FBXO22: variants seen among roughly 807,000 people sequenced by gnomAD.
The protein encoded by FBXO22 is F-box protein 22, also known as F-box only protein 22.
In FBXO22, 13 loss-of-function variants were observed where a neutral mutation model predicts 37.2. That is an observed-to-expected ratio of 0.35 (90% confidence interval 0.23 to 0.56). The LOEUF is 0.56. FBXO22 is among the 20% of genes least tolerant of loss of function. The pLI, the probability that FBXO22 is intolerant of heterozygous loss-of-function variation, is 0.87. For missense variants in FBXO22, 446 were observed against 509.9 expected (o/e 0.87, Z 1.21); for synonymous variants, 189 against 189.1 (o/e 1.00, Z 0.00).
At chr15:75,922,208 C>T (rs751894349) in intron 5 of FBXO22, among the ~76,000 whole-genome samples, 10 of 152,218 alleles carry the variant, frequency 6.6e-5, no homozygotes, top group African/African-American at 9.6e-5. Context: ...TTGTGCTACA[C>T]ATTAGGCAGT....
intron 6 of FBXO22, chr15:75,930,403 T>C (rs1412276415): frequency 1.8e-6 from 2 of 1,100,036 alleles, no homozygotes; most frequent in Non-Finnish European, 2.2e-6. Flanking sequence ...TTAGAGTGTA[T>C]CTTTATGGCA....
At chr15:75,930,566 A>G (rs2029977517) in intron 6 of FBXO22, 1 of 986,000 alleles carries the variant, frequency 1.0e-6, no homozygotes, top group Non-Finnish European at 1.2e-6. Context: ...TCTGTATTAG[A>G]TCTTTTGAAA....
At chr15:75,928,483 C>T (rs2029884881) in intron 5 of FBXO22, among the ~76,000 whole-genome samples, 1 of 152,108 alleles carries the variant, frequency 6.6e-6, no homozygotes, top group African/African-American at 2.4e-5. Flanking sequence ...AACACAGAAA[C>T]AGAAAACCAA....
At chr15:75,925,983 A>G (rs1273176270) in intron 5 of FBXO22, among the ~76,000 whole-genome samples, 1 of 152,244 alleles carries the variant, frequency 6.6e-6, no homozygotes, top group African/African-American at 2.4e-5. Context: ...TAACTTGATT[A>G]TAGTTGCCAA....
intron 1 of FBXO22, 37 bp downstream of exon 1, chr15:75,904,140 G>A (rs1366297104): frequency 3.3e-6 from 5 of 1,514,784 alleles, no homozygotes; most frequent in South Asian, 1.2e-5. Flanking sequence ...GCTTGCCTGG[G>A]GACACGCCGT....
Position 75,923,994 on chromosome 15 carries a change from A to G in FBXO22, c.629-5890A>G, listed in dbSNP as rs552005687. ...GCGGGTATGTGGCTAGCGCAGCTGTATAGTACCATTGACTAAGGTGAAGAA... is the reference window on the plus strand; with the variant it reads ...GCGGGTATGTGGCTAGCGCAGCTGTGTAGTACCATTGACTAAGGTGAAGAA... On this transcript the variant is annotated intron_variant, in intron 5 of 6. Coordinates refer to ENST00000308275, the MANE Select transcript of FBXO22 (RefSeq NM_147188.3). 2.6e-5 allele frequency among the ~76,000 whole-genome samples: 4 copies of G among 152,310 alleles called. No individual in the cohort carries two copies. In the East Asian group the frequency reaches 5.8e-4, roughly 22 times the overall value.
At chr15:75,908,277 G>GT (rs1416474003) in intron 2 of FBXO22, among the ~76,000 whole-genome samples, 1,581 of 141,660 alleles carry the variant, frequency 0.011, 10 homozygotes, top group Admixed American at 0.013. Context: ...GTTTTGTTTG[G>GT]TTTTTTTTTT....
intron 1 of FBXO22, 179 bp downstream of exon 1, chr15:75,904,282 A>G: frequency 8.9e-7 from 1 of 1,117,644 alleles, no homozygotes; most frequent in Non-Finnish European, 1.2e-6. Context: ...CCCCGGGGGG[A>G]CTTCCCTGAG....
At chr15:75,909,566 C>G (rs915079417) in intron 2 of FBXO22, among the ~76,000 whole-genome samples, 2 of 152,028 alleles carry the variant, frequency 1.3e-5, no homozygotes, top group Non-Finnish European at 2.9e-5. Flanking sequence ...GCATCTTTTG[C>G]TGGTACTTGA....
rs943707377 is a variant in FBXO22 at position 75,940,080 on chromosome 15, A to C, written c.*6978A>C. Reference sequence around the variant, plus strand: ...AAAATCCTATATGTTCACAAATGATATGATCTTTAGACAACCCGAAAGATT... The same window carrying C: ...AAAATCCTATATGTTCACAAATGATCTGATCTTTAGACAACCCGAAAGATT... On this transcript the variant is annotated 3_prime_UTR_variant, in exon 7 of 7. Transcript: ENST00000308275. The C allele has an allele frequency of 1.3e-5, 2 of 151,032 alleles. No individual in the cohort carries two copies. Among genetic ancestry groups the C allele is most frequent in the African/African-American group, 2.4e-5 (1 of 41,104 alleles). 9.4% of individuals were successfully genotyped at this position (151,032 alleles called of 1,614,324 possible).
chr15:75,909,501 T>C (rs1235472296), intron 2 of FBXO22, among the ~76,000 whole-genome samples: 2 of 152,284 alleles, frequency 1.3e-5, no homozygotes, highest in East Asian at 1.9e-4. Context: ...CCTGTATACC[T>C]TCCCCAGTGC....
intron 4 of FBXO22, among the ~76,000 whole-genome samples, chr15:75,914,411 T>G (rs1269625149): frequency 6.6e-6 from 1 of 152,234 alleles, no homozygotes; most frequent in Non-Finnish European, 1.5e-5. Context: ...GTTACCTGTA[T>G]AAATATCCAG....
intron 5 of FBXO22, among the ~76,000 whole-genome samples, chr15:75,926,603 C>T (rs1293619296): frequency 6.6e-6 from 1 of 152,068 alleles, no homozygotes; most frequent in African/African-American, 2.4e-5. Context: ...GTGACTGAGG[C>T]GAGAATCTCC....
Position 75,941,003 on chromosome 15 carries a change from C to G in FBXO22, c.*7901C>G, listed in dbSNP as rs952459756. 1.3e-5 allele frequency: 2 copies of G among 152,036 alleles called. No homozygotes were observed. Among genetic ancestry groups the G allele is most frequent in the African/African-American group, 4.8e-5 (2 of 41,420 alleles). 9.4% of individuals were successfully genotyped at this position (152,036 alleles called of 1,614,324 possible). A position where few individuals can be genotyped will look rare whatever the true frequency, so the allele number is the denominator to read the frequency against. On this transcript the variant is annotated 3_prime_UTR_variant, in exon 7 of 7. Coordinates refer to ENST00000308275, the MANE Select transcript of FBXO22 (RefSeq NM_147188.3). ...ACTATCAACAGAGTAAAAAGATTAC[C>G]TATGGAGTGGGAGGAAATAATATGC... is the stretch of plus-strand genomic sequence containing the variant.
In FBXO22 at chr15:75,917,360, T is replaced by C; in HGVS notation, c.594T>C (p.Asn198=). 6.2e-7 allele frequency: 1 copy of C among 1,602,690 alleles called. No homozygotes were observed. The highest frequency in any genetic ancestry group is 8.5e-7 in the Non-Finnish European group (1 of 1,171,034). Residue 198 remains asparagine, a synonymous_variant, in exon 5 of 7, where the codon AAT becomes AAC. Coordinates refer to ENST00000308275, the MANE Select transcript of FBXO22 (RefSeq NM_147188.3). ...TTCATTTTATTAAGGATCCAAAGAA[T>C]TTAACATTAGAAAGACATCAACTCA... The part of the protein sequence containing the change: ...QPFHFIKDPK[N]LTLERHQLTE...
At chr15:75,918,984 G>A (rs2141714519) in intron 5 of FBXO22, among the ~76,000 whole-genome samples, 1 of 152,264 alleles carries the variant, frequency 6.6e-6, no homozygotes, top group East Asian at 1.9e-4. Context: ...TGGAGACAGA[G>A]TCTCACTTTG....
intron 2 of FBXO22, among the ~76,000 whole-genome samples, chr15:75,909,363 G>A (rs1360644151): frequency 2.0e-5 from 3 of 152,186 alleles, no homozygotes; most frequent in Non-Finnish European, 4.4e-5. Context: ...AGAACATATG[G>A]GGAAGTCGGT....
intron 5 of FBXO22, among the ~76,000 whole-genome samples, chr15:75,921,639 CG>C (rs1900325756): frequency 3.9e-5 from 1 of 25,718 alleles, no homozygotes; most frequent in South Asian, 0.013. Flanking sequence ...CCAGCCTGGG[CG>C]ACAGCGAGAC....
At chr15:75,914,341 C>T (rs987772674) in intron 4 of FBXO22, 136 bp downstream of exon 4, 1 of 630,596 alleles carries the variant, frequency 1.6e-6, no homozygotes, top group Non-Finnish European at 2.8e-6. Flanking sequence ...TCATATTTAC[C>T]ATGGCATTAT....
Sources: allele counts gnomAD v4.1 joint callset (sites outside exome capture counted in the v4.1 genomes callset), GRCh38; gene constraint gnomAD v4.1.1; transcripts MANE v1.5; gene names NCBI Gene and HGNC (gene_info 2026-07-23, HGNC 2026-07-21).